VOPP1: variants seen among roughly 807,000 people sequenced by gnomAD.
The protein encoded by VOPP1 is VOPP1 WW domain binding protein, also known as WW domain binding protein VOPP1.
A neutral mutation model predicts 23.5 loss-of-function variants in VOPP1; 8 were observed. That is an observed-to-expected ratio of 0.34 (90% CI 0.20 to 0.61). The LOEUF is 0.61. Among genes scored for constraint, VOPP1 ranks in the 20% least tolerant of loss-of-function variants. VOPP1 has a pLI of 0.78. For synonymous variants in VOPP1, 83 were observed against 97.3 expected, an observed-to-expected ratio of 0.85 and a Z score of 0.86; for missense variants, 174 against 238.1, an observed-to-expected ratio of 0.73 and a Z score of 1.77.
chr7:55,495,531 C>G (rs377101683), intron 3 of VOPP1, among the ~76,000 whole-genome samples: 1 of 152,206 alleles, frequency 6.6e-6, no homozygotes, highest in Non-Finnish European at 1.5e-5. Flanking sequence ...CCCTCTGCCC[C>G]AAACGCCCTC....
At position 55,505,647 on chromosome 7, in the gene VOPP1, AAGGAAGGGAGGGAGGGAGGGAGGGAGGG is replaced by A. The variant is rs1486017922; in HGVS notation, c.114-7985_114-7958del. Among the ~76,000 whole-genome samples the A allele has an allele frequency of 6.4e-3, 681 of 105,602 alleles. 13 individuals carry two copies. Among genetic ancestry groups the A allele is most frequent in the African/African-American group, 0.024 (613 of 25,034 alleles). The allele number at this position is 105,602 out of a possible 152,430, so 69.3% of individuals were successfully genotyped here. On this transcript the variant is annotated intron_variant, in intron 2 of 4. Coordinates refer to ENST00000285279, the MANE Select transcript of VOPP1 (RefSeq NM_030796.5). ...GAAGGAAAGAAGGAAAAAAGGAAGG[AAGGAAGGGAGGGAGGGAGGGAGGGAGGG>A]AGGGAGGGAGGGAGGGAGGGAGGGA... is the stretch of plus-strand genomic sequence containing the variant.
At chr7:55,524,818 G>A (rs1448087420) in intron 1 of VOPP1, among the ~76,000 whole-genome samples, 1 of 152,140 alleles carries the variant, frequency 6.6e-6, no homozygotes, top group East Asian at 1.9e-4. Flanking sequence ...GCCGGGTGCT[G>A]CCAAGTCGAA....
At chr7:55,462,981 T>C (rs1583817199) in intron 4 of VOPP1, among the ~76,000 whole-genome samples, 1 of 152,230 alleles carries the variant, frequency 6.6e-6, no homozygotes, top group East Asian at 1.9e-4. Flanking sequence ...TCTTTCTTTA[T>C]GATATCTATC....
At chr7:55,569,492 C>T (rs889759954) in intron 1 of VOPP1, among the ~76,000 whole-genome samples, 3 of 152,180 alleles carry the variant, frequency 2.0e-5, no homozygotes. Context: ...GGAAGCAGAG[C>T]ATCGAGGTGG....
chr7:55,473,608 G>A (rs1792010209), intron 4 of VOPP1, among the ~76,000 whole-genome samples: 1 of 152,216 alleles, frequency 6.6e-6, no homozygotes, highest in Non-Finnish European at 1.5e-5. Context: ...GACAAGCTGA[G>A]GAGCAGGGCA....
chr7:55,457,626 T>C (rs1791400871), intron 4 of VOPP1, among the ~76,000 whole-genome samples: 2 of 152,030 alleles, frequency 1.3e-5, no homozygotes, highest in Admixed American at 6.6e-5. Context: ...AGCATTTTTT[T>C]TTTGGTCTTT....
At chr7:55,474,150 G>A (rs929180008) in intron 4 of VOPP1, among the ~76,000 whole-genome samples, 1 of 152,252 alleles carries the variant, frequency 6.6e-6, no homozygotes, top group Admixed American at 6.5e-5. Context: ...CTGTGTGAGA[G>A]GCTGCCTCGC....
intron 1 of VOPP1, among the ~76,000 whole-genome samples, chr7:55,549,068 G>A (rs576321467): frequency 1.3e-5 from 2 of 152,290 alleles, no homozygotes; most frequent in African/African-American, 2.4e-5. Flanking sequence ...AGGTAGGGGC[G>A]TGTCTAGCAG....
Position 55,571,786 on chromosome 7 carries a change from G to C in VOPP1, c.54+485C>G, listed in dbSNP as rs535280779. 4.1e-4 allele frequency: 63 copies of C among 153,784 alleles called. 1 individual carries two copies. In the South Asian group the frequency reaches 0.012, roughly 30 times the overall value. The allele number at this position is 153,784 out of a possible 1,614,324, so 9.5% of individuals were successfully genotyped here. ...CCTCCACAACTCCCGGCACTCCCGC[G>C]ACACTTCCCCACAGTCCCCTCCGCC... On this transcript the variant is annotated intron_variant, in intron 1 of 4. Transcript: ENST00000285279.
intron 2 of VOPP1, among the ~76,000 whole-genome samples, chr7:55,517,064 C>G (rs1334337757): frequency 4.7e-5 from 7 of 147,420 alleles, no homozygotes; most frequent in Non-Finnish European, 7.4e-5. Flanking sequence ...CTCAGCCTCC[C>G]AAGTAGCTGG....
intron 4 of VOPP1, 66 bp from the exon 5 acceptor site, chr7:55,473,111 G>C: frequency 6.5e-7 from 1 of 1,545,624 alleles, no homozygotes; most frequent in Non-Finnish European, 8.7e-7. Flanking sequence ...AGTATGTGCA[G>C]GCTGCAGGGC....
In VOPP1 at chr7:55,570,046, C is replaced by T. The variant is rs1301495028; in HGVS notation, c.54+2225G>A. ...GCAGCCGGCAGTCAGAAGCCAGAAG[C>T]CACCAAATAGCTCCCTGGGTTGCTT... is the stretch of plus-strand genomic sequence containing the variant. On this transcript the variant is annotated intron_variant, in intron 1 of 4. Coordinates refer to ENST00000285279, the MANE Select transcript of VOPP1 (RefSeq NM_030796.5). Among the ~76,000 whole-genome samples, 6 of 152,132 alleles carry T rather than the reference C, an allele frequency of 3.9e-5. No individual in the cohort carries two copies. In the East Asian group the frequency reaches 9.6e-4, roughly 24 times the overall value.
chr7:55,442,819 T>C lies in VOPP1; in HGVS notation n.418-6645A>G, dbSNP rs568205702. Among the ~76,000 whole-genome samples, 8 of 152,202 alleles carry C rather than the reference T, an allele frequency of 5.3e-5. No homozygotes were observed. The South Asian group carries it at 1.5e-3, about 28-fold the overall frequency. ...TGCAAGAAAAACGACACGGTTTCTT[T>C]GGAAAATAAAAAGCAGGCCGGGTGC... On this transcript the variant is annotated intron_variant and non_coding_transcript_variant, in intron 4 of 4. Coordinates refer to the VOPP1 transcript ENST00000462326.
intron 4 of VOPP1, among the ~76,000 whole-genome samples, chr7:55,446,907 T>G (rs1481202844): frequency 6.6e-6 from 1 of 152,232 alleles, no homozygotes; most frequent in Non-Finnish European, 1.5e-5. Flanking sequence ...CTTCAGAAGT[T>G]CAGCAATAAA....
chr7:55,455,126 CAACA>C, intron 4 of VOPP1, among the ~76,000 whole-genome samples: 1 of 152,282 alleles, frequency 6.6e-6, no homozygotes, highest in South Asian at 2.1e-4. Context: ...GATACAAAAT[CAACA>C]CGCAAAAATC....
At chr7:55,501,011 C>T (rs1201396341) in intron 2 of VOPP1, among the ~76,000 whole-genome samples, 1 of 152,160 alleles carries the variant, frequency 6.6e-6, no homozygotes, top group Non-Finnish European at 1.5e-5. Context: ...ACCATGGTAA[C>T]AGAGACAATG....
At chr7:55,501,260 C>T (rs1316464097) in intron 2 of VOPP1, among the ~76,000 whole-genome samples, 1 of 152,266 alleles carries the variant, frequency 6.6e-6, no homozygotes, top group African/African-American at 2.4e-5. Context: ...GGTGAAAGGA[C>T]GGCGTCGATT....
At chr7:55,518,510 T>C (rs1449029677) in intron 2 of VOPP1, among the ~76,000 whole-genome samples, 1 of 152,174 alleles carries the variant, frequency 6.6e-6, no homozygotes, top group Non-Finnish European at 1.5e-5. Flanking sequence ...GTCAGCATTC[T>C]CTCACAGCCA....
At chr7:55,469,466 T>C (rs911612816), downstream of VOPP1, among the ~76,000 whole-genome samples, 6 of 152,160 alleles carry the variant, frequency 3.9e-5, no homozygotes, top group East Asian at 1.9e-4. Context: ...TGAAAACAGA[T>C]GCAAAATATA....
Sources: allele counts gnomAD v4.1 joint callset (sites outside exome capture counted in the v4.1 genomes callset), GRCh38; gene constraint gnomAD v4.1.1; transcripts MANE v1.5; gene names NCBI Gene and HGNC (gene_info 2026-07-23, HGNC 2026-07-21).